SLIT3: variants seen among roughly 807,000 people sequenced by gnomAD.
The protein encoded by SLIT3 is slit homolog 3 protein.
Under a neutral mutation model 184.0 loss-of-function variants are expected in SLIT3, and 68 were observed. That is an observed-to-expected ratio of 0.37 (90% CI 0.30 to 0.45). The LOEUF is 0.45. Ranked by LOEUF, SLIT3 falls within the 20% of genes least tolerant of loss-of-function variation. The pLI is 1.00. For synonymous variants in SLIT3, 831 were observed against 828.6 expected, an observed-to-expected ratio of 1.00 and a Z score of -0.05; for missense variants, 1,707 against 2,026.0, an observed-to-expected ratio of 0.84 and a Z score of 3.02.
At chr5:168,800,241 C>G (rs1756716074) in intron 9 of SLIT3, among the ~76,000 whole-genome samples, 1 of 152,160 alleles carries the variant, frequency 6.6e-6, no homozygotes, top group African/African-American at 2.4e-5. Context: ...TGGGGCAGTC[C>G]CTTTCTGGCC....
intron 4 of SLIT3, chr5:169,012,167 G>A (rs1032276633): frequency 4.6e-5 from 7 of 152,164 alleles, no homozygotes; most frequent in African/African-American, 1.7e-4. Flanking sequence ...TTGCCTAGAA[G>A]ACTTTATTTT....
At chr5:169,071,682 T>C (rs10516058) in intron 4 of SLIT3, among the ~76,000 whole-genome samples, 3,362 of 152,274 alleles carry the variant, frequency 0.022, 96 homozygotes, top group Admixed American at 0.079. Context: ...TGTGTGCAAG[T>C]GTAGAATCCA....
At chr5:168,817,605 T>C in intron 7 of SLIT3, 142 bp from the exon 8 acceptor site, 1 of 723,804 alleles carries the variant, frequency 1.4e-6, no homozygotes, top group Non-Finnish European at 2.3e-6. Flanking sequence ...CAATTCCCTC[T>C]GCACTACCAA....
intron 4 of SLIT3, among the ~76,000 whole-genome samples, chr5:169,181,695 C>T (rs902020702): frequency 5.3e-5 from 8 of 150,170 alleles, no homozygotes; most frequent in Non-Finnish European, 8.8e-5. Context: ...GAGCCAAGAT[C>T]GTGCCACTGC....
At chr5:168,876,541 T>A (rs1759738242) in intron 5 of SLIT3, among the ~76,000 whole-genome samples, 1 of 152,346 alleles carries the variant, frequency 6.6e-6, no homozygotes, top group South Asian at 2.1e-4. Flanking sequence ...CTCTGTCCCT[T>A]TACATATGTT....
chr5:169,177,237 A>AC (rs1462856648), intron 4 of SLIT3, among the ~76,000 whole-genome samples: 1 of 152,232 alleles, frequency 6.6e-6, no homozygotes, highest in Non-Finnish European at 1.5e-5. Context: ...GAAGTAATTT[A>AC]CAACAGGGAA....
At chr5:169,218,016 A>G (rs1764503091) in intron 3 of SLIT3, among the ~76,000 whole-genome samples, 2 of 152,234 alleles carry the variant, frequency 1.3e-5, no homozygotes, top group South Asian at 4.1e-4. Context: ...AATTTAATTC[A>G]GTGCCTAACA....
intron 5 of SLIT3, among the ~76,000 whole-genome samples, chr5:168,846,199 A>G (rs1192409565): frequency 6.6e-6 from 1 of 152,224 alleles, no homozygotes; most frequent in Non-Finnish European, 1.5e-5. Flanking sequence ...ATCTCAATAG[A>G]TGCTCATGAT....
intron 20 of SLIT3, among the ~76,000 whole-genome samples, chr5:168,746,773 T>TG (rs1754460795): frequency 1.9e-5 from 1 of 54,004 alleles, no homozygotes. Context: ...TGTGGTGGTG[T>TG]GTGGTGTGTG....
intron 4 of SLIT3, among the ~76,000 whole-genome samples, chr5:169,051,155 G>A (rs1020970577): frequency 2.6e-5 from 4 of 152,096 alleles, no homozygotes; most frequent in Admixed American, 6.5e-5. Flanking sequence ...CTTCAGAACC[G>A]GAAAGGAAAA....
intron 32 of SLIT3, among the ~76,000 whole-genome samples, chr5:168,682,633 G>T (rs1431490915): frequency 6.6e-6 from 1 of 152,216 alleles, no homozygotes; most frequent in East Asian, 1.9e-4. Context: ...AGTGTGTGTG[G>T]AGGGGGGATC....
intron 20 of SLIT3, among the ~76,000 whole-genome samples, chr5:168,731,241 A>G (rs959400492): frequency 2.0e-5 from 3 of 152,034 alleles, no homozygotes; most frequent in African/African-American, 7.2e-5. Context: ...AGGAATAAGT[A>G]GAACTTCTGA....
At chr5:168,768,158 C>A in intron 14 of SLIT3, 1 of 519,860 alleles carries the variant, frequency 1.9e-6, no homozygotes, top group Non-Finnish European at 3.9e-6. Context: ...CAGGAGAGCA[C>A]GGTGCTTTCC....
At chr5:168,676,832 A>T (rs1427301682) in intron 32 of SLIT3, among the ~76,000 whole-genome samples, 1 of 152,188 alleles carries the variant, frequency 6.6e-6, no homozygotes, top group Non-Finnish European at 1.5e-5. Flanking sequence ...TTTTCCCATT[A>T]CAGACACACA....
chr5:168,717,462 C>T (rs949034652), intron 23 of SLIT3, among the ~76,000 whole-genome samples: 2 of 152,038 alleles, frequency 1.3e-5, no homozygotes, highest in African/African-American at 2.4e-5. Flanking sequence ...TTTCAGGTAT[C>T]GCCTTGTGTT....
chr5:169,202,064 T>C (rs1763920126), intron 3 of SLIT3, among the ~76,000 whole-genome samples: 2 of 152,168 alleles, frequency 1.3e-5, no homozygotes, highest in East Asian at 3.9e-4. Flanking sequence ...AAACCTCATC[T>C]CTACAAAAAA....
At chr5:169,166,529 A>T (rs903973345) in intron 4 of SLIT3, among the ~76,000 whole-genome samples, 3 of 151,684 alleles carry the variant, frequency 2.0e-5, no homozygotes, top group Non-Finnish European at 4.4e-5. Flanking sequence ...TGATCAAGTC[A>T]CTTCACCTCT....
At chr5:169,291,439 G>A (rs1028854549) in intron 1 of SLIT3, among the ~76,000 whole-genome samples, 1 of 152,184 alleles carries the variant, frequency 6.6e-6, no homozygotes, top group Non-Finnish European at 1.5e-5. Flanking sequence ...ATCCCCATGA[G>A]ATAAAACTTC....
At chr5:168,899,610 T>C (rs532720359) in intron 4 of SLIT3, among the ~76,000 whole-genome samples, 2 of 152,248 alleles carry the variant, frequency 1.3e-5, no homozygotes, top group Non-Finnish European at 2.9e-5. Flanking sequence ...AGAGACAGAA[T>C]GAATGAAGCT....
Sources: gnomAD v4.1 joint callset for allele counts (sites outside exome capture counted in the v4.1 genomes callset) on GRCh38, gnomAD v4.1.1 for gene constraint, MANE v1.5 for transcripts, NCBI Gene and HGNC (gene_info 2026-07-23, HGNC 2026-07-21) for gene names.